Variants in KTN1 observed in about 807,000 individuals in gnomAD.
The protein encoded by KTN1 is kinectin 1.
Under a neutral mutation model 222.5 loss-of-function variants are expected in KTN1, and 130 were observed. The ratio of observed to expected loss-of-function variants is 0.58; its 90% CI spans 0.51 to 0.68. KTN1 has a LOEUF of 0.68. Ranked by LOEUF, KTN1 falls within the 30% of genes least tolerant of loss-of-function variation. KTN1 has a pLI of 0.00. For synonymous variants in KTN1, 512 were observed against 496.3 expected (o/e 1.03, Z -0.42); for missense variants, 1,508 against 1,500.4 (o/e 1.01, Z -0.08).
At chr14:55,681,936 C>G (rs538240420) in intron 43 of KTN1, 1 of 152,080 alleles carries the variant, frequency 6.6e-6, no homozygotes, top group Non-Finnish European at 1.5e-5. Context: ...CCTGTATACT[C>G]TATTTAAACT....
chr14:55,667,448 ATTG>A (rs1391650210), intron 34 of KTN1, 118 bp downstream of exon 34: 3 of 523,712 alleles, frequency 5.7e-6, no homozygotes, highest in Non-Finnish European at 6.6e-6. Flanking sequence ...GATCTTTCCT[ATTG>A]TTAAGCTGGT....
chr14:55,599,487 CAG>C (rs1204632611), intron 1 of KTN1, among the ~76,000 whole-genome samples: 1 of 151,316 alleles, frequency 6.6e-6, no homozygotes, highest in African/African-American at 2.4e-5. Flanking sequence ...TTTTTTGAGA[CAG>C]AGTCTCGTTC....
intron 1 of KTN1, among the ~76,000 whole-genome samples, chr14:55,606,523 T>C (rs2036748610): frequency 6.6e-6 from 1 of 152,162 alleles, no homozygotes; most frequent in Non-Finnish European, 1.5e-5. Context: ...ATTAGTTTTT[T>C]TGTGTCATTT....
chr14:55,649,012 A>G, intron 21 of KTN1, 142 bp downstream of exon 21: 1 of 621,344 alleles, frequency 1.6e-6, no homozygotes, highest in Non-Finnish European at 2.9e-6. Flanking sequence ...CGTAACCTCG[A>G]ACTCCTGGGC....
intron 1 of KTN1, among the ~76,000 whole-genome samples, chr14:55,588,429 G>C (rs145385276): frequency 8.5e-5 from 13 of 152,256 alleles, no homozygotes; most frequent in African/African-American, 3.1e-4. Context: ...AGCATTACTA[G>C]TGGCACTTGG....
chr14:55,670,261 A>T (rs1451245917), intron 34 of KTN1, among the ~76,000 whole-genome samples: 2 of 152,090 alleles, frequency 1.3e-5, no homozygotes, highest in South Asian at 2.1e-4. Context: ...AATCCTCCAA[A>T]TGGAACATCT....
Position 55,612,408 on chromosome 14 carries a change from A to G in KTN1, c.360A>G (p.Lys120=). ...SVRERKKKEK[K]QKPVLEEQVI... ...GGGAAAGAAAAAAGAAGGAAAAGAA[A>G]CAAAAGCCTGTGCTTGAAGAGCAGG... is the stretch of plus-strand genomic sequence containing the variant. Residue 120 remains lysine (K), a synonymous_variant, in exon 2 of 44, where the codon AAA becomes AAG. Transcript: ENST00000395314. The G allele has an allele frequency of 1.2e-6, 2 of 1,614,014 alleles. No individual in the cohort carries two copies. Among genetic ancestry groups the G allele is most frequent in the Non-Finnish European group, 1.7e-6 (2 of 1,179,978 alleles).
intron 29 of KTN1, 122 bp from the exon 30 acceptor site, chr14:55,658,424 C>T: frequency 1.5e-6 from 1 of 668,840 alleles, no homozygotes; most frequent in Non-Finnish European, 2.7e-6. Flanking sequence ...TTATTACACC[C>T]TTTAAAATTA....
At chr14:55,583,065 A>G (rs1249007626) in intron 1 of KTN1, among the ~76,000 whole-genome samples, 1 of 152,222 alleles carries the variant, frequency 6.6e-6, no homozygotes, top group African/African-American at 2.4e-5. Flanking sequence ...ATATTGGTCT[A>G]GATGAGAATA....
intron 1 of KTN1, among the ~76,000 whole-genome samples, chr14:55,598,806 T>C (rs2035497190): frequency 6.6e-6 from 1 of 152,238 alleles, no homozygotes; most frequent in South Asian, 2.1e-4. Context: ...TACACAACGT[T>C]ACAACAAATG....
intron 29 of KTN1, among the ~76,000 whole-genome samples, chr14:55,657,639 GGTA>G (rs1450479383): frequency 6.6e-6 from 1 of 152,030 alleles, no homozygotes; most frequent in Non-Finnish European, 1.5e-5. Flanking sequence ...GGCTGGGTGT[GGTA>G]GTTCACAGTA....
At chr14:55,639,714 C>T (rs900820142) in intron 13 of KTN1, among the ~76,000 whole-genome samples, 199 bp from the exon 14 acceptor site, 1 of 151,594 alleles carries the variant, frequency 6.6e-6, no homozygotes, top group African/African-American at 2.4e-5. Context: ...TCTTTTATCT[C>T]GAGTTTTAAA....
At chr14:55,608,048 T>C (rs79188115) in intron 1 of KTN1, among the ~76,000 whole-genome samples, 2,974 of 152,326 alleles carry the variant, frequency 0.02, 56 homozygotes, top group African/African-American at 0.051. Context: ...TGTATTGAAT[T>C]GTATACTGTG....
intron 1 of KTN1, among the ~76,000 whole-genome samples, chr14:55,611,713 T>C (rs1005784634): frequency 2.0e-5 from 3 of 152,210 alleles, no homozygotes; most frequent in African/African-American, 7.2e-5. Flanking sequence ...CAAAAGTGGA[T>C]ATTTCGGGAA....
intron 5 of KTN1, among the ~76,000 whole-genome samples, chr14:55,621,472 A>G (rs1243624879): frequency 6.6e-6 from 1 of 152,198 alleles, no homozygotes; most frequent in Non-Finnish European, 1.5e-5. Context: ...ATGGACTCAC[A>G]GTTTCATGTG....
intron 10 of KTN1, 54 bp downstream of exon 10, chr14:55,636,590 C>T: frequency 7.8e-7 from 1 of 1,286,174 alleles, no homozygotes. Flanking sequence ...GGTAAAATTT[C>T]CTCTCTCTTC....
intron 34 of KTN1, among the ~76,000 whole-genome samples, chr14:55,669,436 A>G (rs370308535): frequency 1.3e-5 from 2 of 152,180 alleles, no homozygotes; most frequent in East Asian, 1.9e-4. Context: ...AGGTTTGTAA[A>G]GATTTGAAGG....
In KTN1 at chr14:55,671,812, A is replaced by G; in HGVS notation, c.3466A>G (p.Ser1156Gly). 1 of 1,611,014 alleles carries G rather than the reference A, an allele frequency of 6.2e-7. No homozygotes were observed. Among genetic ancestry groups the G allele is most frequent in the Non-Finnish European group, 8.5e-7 (1 of 1,177,332 alleles). ...TEGILQKLQR[S>G]VEQEENKWKV... ...AGGAATTTTACAGAAGCTACAGAGA[A>G]GTGTTGAGCAAGAAGAAAATAAATG... is the stretch of plus-strand genomic sequence containing the variant. Residue 1156 changes from serine (S) to glycine (G), a missense_variant, in exon 37 of 44, where the codon AGT becomes GGT. Transcript: ENST00000395314.
chr14:55,580,831 C>G (rs11620906), intron 1 of KTN1, among the ~76,000 whole-genome samples: 2 of 152,124 alleles, frequency 1.3e-5, no homozygotes, highest in African/African-American at 4.8e-5. Context: ...CGGGCCGGAG[C>G]TGGGCCACAC....
Sources: gnomAD v4.1 joint callset for allele counts (sites outside exome capture counted in the v4.1 genomes callset) on GRCh38, gnomAD v4.1.1 for gene constraint, MANE v1.5 for transcripts, NCBI Gene and HGNC (gene_info 2026-07-23, HGNC 2026-07-21) for gene names.